Variants in CADPS2 observed in about 807,000 individuals in gnomAD.
The protein encoded by CADPS2 is calcium-dependent secretion activator 2.
A neutral mutation model predicts 172.5 loss-of-function variants in CADPS2; 93 were observed. The observed-to-expected ratio is 0.54, with a 90% confidence interval of 0.46 to 0.64. CADPS2 has a LOEUF of 0.64. Among genes scored for constraint, CADPS2 ranks in the 30% least tolerant of loss-of-function variants. The pLI is 0.00. For synonymous variants in CADPS2, 546 were observed against 555.2 expected (o/e 0.98, Z 0.23); for missense variants, 1,420 against 1,565.9 (o/e 0.91, Z 1.57).
At chr7:122,783,017 C>G (rs1161396479) in intron 1 of CADPS2, among the ~76,000 whole-genome samples, 1 of 151,820 alleles carries the variant, frequency 6.6e-6, no homozygotes. Context: ...CAGCATATAT[C>G]CTAGCTAACA....
chr7:122,479,557 C>T (rs1200701799), intron 12 of CADPS2, among the ~76,000 whole-genome samples: 2 of 152,178 alleles, frequency 1.3e-5, no homozygotes, highest in Non-Finnish European at 2.9e-5. Context: ...GACCAAATAA[C>T]TGCTTAGCTT....
chr7:122,714,581 CA>C, intron 2 of CADPS2, among the ~76,000 whole-genome samples: 1 of 152,118 alleles, frequency 6.6e-6, no homozygotes, highest in East Asian at 1.9e-4. Context: ...TTGCTTTTTG[CA>C]TGTTAATTTC....
chr7:122,525,926 T>TA (rs1424883911), intron 8 of CADPS2, among the ~76,000 whole-genome samples: 2 of 152,104 alleles, frequency 1.3e-5, no homozygotes, highest in Non-Finnish European at 2.9e-5. Flanking sequence ...TAGGCTACAG[T>TA]AAAAAAGGTT....
At chr7:122,383,749 G>T (rs911159561) in intron 24 of CADPS2, among the ~76,000 whole-genome samples, 13 of 152,098 alleles carry the variant, frequency 8.5e-5, no homozygotes, top group Admixed American at 8.5e-4. Context: ...AGACACTCAT[G>T]AAATGGCTAA....
chr7:122,592,085 T>C (rs957637709), intron 6 of CADPS2, among the ~76,000 whole-genome samples: 3 of 151,952 alleles, frequency 2.0e-5, no homozygotes, highest in Non-Finnish European at 4.4e-5. Context: ...TGCAATCTAC[T>C]CATCTGATAA....
At chr7:122,756,607 C>A (rs974263390) in intron 1 of CADPS2, among the ~76,000 whole-genome samples, 3 of 152,070 alleles carry the variant, frequency 2.0e-5, no homozygotes, top group East Asian at 1.9e-4. Flanking sequence ...GGCATAAATT[C>A]TTTCCCAAGG....
At chr7:122,756,571 T>C (rs2093169871) in intron 1 of CADPS2, among the ~76,000 whole-genome samples, 1 of 152,174 alleles carries the variant, frequency 6.6e-6, no homozygotes, top group East Asian at 1.9e-4. Context: ...TTATACTATG[T>C]CATAATCAGC....
intron 1 of CADPS2, among the ~76,000 whole-genome samples, chr7:122,807,804 A>C (rs1799117350): frequency 6.6e-6 from 1 of 152,110 alleles, no homozygotes; most frequent in Admixed American, 6.5e-5. Flanking sequence ...TCTGTTTCCC[A>C]AGTTTCCTTT....
At chr7:122,562,151 C>T (rs1342856875) in intron 7 of CADPS2, among the ~76,000 whole-genome samples, 1 of 152,176 alleles carries the variant, frequency 6.6e-6, no homozygotes, top group Non-Finnish European at 1.5e-5. Flanking sequence ...AGAATACTGG[C>T]TTCCCAAAGA....
rs559432315 is a variant in CADPS2, at chr7:122,626,805, A to C, written c.867+2443T>G. Among the ~76,000 whole-genome samples the C allele has an allele frequency of 1.0e-3, 153 of 152,338 alleles. 1 individual carries two copies. The highest frequency in any genetic ancestry group is 3.3e-3 in the African/African-American group (139 of 41,562). ...TTGTGGATAGAAAAAATGAGGCTCGAAAGTGTTAAGTAACGTGCCTACTAT... is the reference window on the plus strand; with the variant it reads ...TTGTGGATAGAAAAAATGAGGCTCGCAAGTGTTAAGTAACGTGCCTACTAT... On this transcript the variant is annotated intron_variant, in intron 4 of 29. Transcript: ENST00000449022.
intron 8 of CADPS2, among the ~76,000 whole-genome samples, chr7:122,545,126 A>G (rs1429888258): frequency 6.6e-6 from 1 of 152,158 alleles, no homozygotes; most frequent in Non-Finnish European, 1.5e-5. Flanking sequence ...TTGTAAGGTA[A>G]CAAATGTGGA....
At chr7:122,590,705 A>G (rs1209797857) in intron 6 of CADPS2, among the ~76,000 whole-genome samples, 1 of 151,874 alleles carries the variant, frequency 6.6e-6, no homozygotes, top group Non-Finnish European at 1.5e-5. Flanking sequence ...ATTGATTCAT[A>G]AAAAAATTTA....
chr7:122,441,440 C>T lies in CADPS2; in HGVS notation c.2352+72G>A, dbSNP rs57012726. ...AGCATAGAATAACGGGGTCTGTCTC[C>T]CTAGTTCAATAACTAAAATACACAG... On this transcript the variant is annotated intron_variant, in intron 16 of 29. Coordinates refer to ENST00000449022, the MANE Select transcript of CADPS2 (RefSeq NM_017954.11). The T allele has an allele frequency of 2.5e-4, 248 of 973,664 alleles. 1 individual carries two copies. In the East Asian group the frequency reaches 6.6e-3, roughly 26 times the overall value. 60.3% of individuals were successfully genotyped at this position (973,664 alleles called of 1,614,324 possible).
intron 2 of CADPS2, among the ~76,000 whole-genome samples, chr7:122,679,751 T>C (rs1370124119): frequency 6.6e-6 from 1 of 152,152 alleles, no homozygotes; most frequent in Non-Finnish European, 1.5e-5. Flanking sequence ...TTTCCCTTTA[T>C]TTCTCAGACC....
intron 14 of CADPS2, among the ~76,000 whole-genome samples, chr7:122,465,651 C>T (rs1446578357): frequency 1.3e-5 from 2 of 152,162 alleles, no homozygotes; most frequent in Non-Finnish European, 2.9e-5. Context: ...CCCATCCTAC[C>T]GTTCCACCCC....
chr7:122,531,720 T>C (rs2061771854), intron 8 of CADPS2, among the ~76,000 whole-genome samples: 1 of 152,066 alleles, frequency 6.6e-6, no homozygotes, highest in South Asian at 2.1e-4. Context: ...ATAAAGATAC[T>C]ACAGAGATGT....
At chr7:122,851,064 A>G (rs1488653391) in intron 1 of CADPS2, among the ~76,000 whole-genome samples, 3 of 152,246 alleles carry the variant, frequency 2.0e-5, no homozygotes, top group African/African-American at 7.2e-5. Context: ...CACTGTAATG[A>G]GTTATAATTA....
At chr7:122,832,764 A>G (rs140547536) in intron 1 of CADPS2, among the ~76,000 whole-genome samples, 7 of 152,252 alleles carry the variant, frequency 4.6e-5, no homozygotes, top group African/African-American at 1.2e-4. Flanking sequence ...GAGAAATCAC[A>G]GTACAATATG....
chr7:122,731,201 T>A (rs1015445437), intron 2 of CADPS2, among the ~76,000 whole-genome samples: 1 of 151,630 alleles, frequency 6.6e-6, no homozygotes. Flanking sequence ...AAGAAAACTA[T>A]ACATCCTTTC....
Sources: allele counts gnomAD v4.1 joint callset (sites outside exome capture counted in the v4.1 genomes callset), GRCh38; gene constraint gnomAD v4.1.1; transcripts MANE v1.5; gene names NCBI Gene and HGNC (gene_info 2026-07-23, HGNC 2026-07-21).